The following COL27A1 variants were observed in gnomAD, a reference collection of about 807,000 sequenced individuals.
COL27A1 encodes collagen alpha-1(XXVII) chain.
A neutral mutation model predicts 251.3 loss-of-function variants in COL27A1; 106 were observed. The observed-to-expected ratio is 0.42, with a 90% CI of 0.36 to 0.50. COL27A1 has a LOEUF of 0.50. COL27A1 is among the 20% of genes least tolerant of loss of function. The pLI, the probability that COL27A1 is intolerant of heterozygous loss-of-function variation, is 0.00. For synonymous variants in COL27A1, 1,000 were observed against 986.3 expected (o/e 1.01, Z -0.26); for missense variants, 2,325 against 2,522.8 (o/e 0.92, Z 1.68).
chr9:114,289,146 A>ACCCCCC, intron 44 of COL27A1, 96 bp from the exon 45 acceptor site: 3 of 1,126,984 alleles, frequency 2.7e-6, no homozygotes, highest in Non-Finnish European at 3.8e-6. Context: ...GCACCCCCAA[A>ACCCCCC]CCCCTCCCCA....
At chr9:114,270,398 A>T (rs1362889380) in intron 35 of COL27A1, among the ~76,000 whole-genome samples, 2 of 152,202 alleles carry the variant, frequency 1.3e-5, no homozygotes, top group Admixed American at 6.5e-5. Context: ...CCTAGAGATG[A>T]TGTTCAGGAC....
At chr9:114,237,057 C>A in intron 18 of COL27A1, 23 bp downstream of exon 18, 1 of 1,581,110 alleles carries the variant, frequency 6.3e-7, no homozygotes, top group Non-Finnish European at 8.6e-7. Context: ...TCCTCCAGCA[C>A]CCCCAAACCT....
chr9:114,200,292 C>T (rs1418987373), intron 7 of COL27A1, among the ~76,000 whole-genome samples: 5 of 152,224 alleles, frequency 3.3e-5, no homozygotes, highest in African/African-American at 9.6e-5. Flanking sequence ...AAGTCCTGCT[C>T]CTCCCCCAAG....
chr9:114,205,237 G>A, intron 8 of COL27A1, 91 bp downstream of exon 8: 1 of 1,244,742 alleles, frequency 8.0e-7, no homozygotes, highest in Non-Finnish European at 1.1e-6. Flanking sequence ...CCTGCTCTGT[G>A]AGCCAGCCCC....
At position 114,288,685 on chromosome 9, in the gene COL27A1, T is replaced by C. The variant is rs1437206652; in HGVS notation, c.4045-17T>C. 6 of 1,604,090 alleles carry C rather than the reference T, an allele frequency of 3.7e-6. No homozygotes were observed. The African/African-American group carries it at 5.4e-5, about 14-fold the overall frequency. On this transcript the variant is annotated splice_polypyrimidine_tract_variant and intron_variant, in intron 42 of 60. Transcript: ENST00000356083. ...GCACCTGGTGGCCCAAATTTTGCTGTTGTCTTTGTCATTCAGGGCCCTGTG... is the reference window on the plus strand; with the variant it reads ...GCACCTGGTGGCCCAAATTTTGCTGCTGTCTTTGTCATTCAGGGCCCTGTG...
intron 27 of COL27A1, among the ~76,000 whole-genome samples, chr9:114,255,318 T>TAGAG (rs982719284): frequency 2.0e-5 from 3 of 151,606 alleles, no homozygotes; most frequent in Non-Finnish European, 4.4e-5. Flanking sequence ...TGGTCAGAGA[T>TAGAG]AGAGTGATTG....
intron 53 of COL27A1, 51 bp downstream of exon 53, chr9:114,301,370 G>T (rs1357413018): frequency 6.2e-7 from 1 of 1,612,316 alleles, no homozygotes. Context: ...GGGCGGGGGA[G>T]GGGTGGGCTC....
chr9:114,268,050 C>T (rs1162009196), intron 34 of COL27A1, among the ~76,000 whole-genome samples: 1 of 152,208 alleles, frequency 6.6e-6, no homozygotes. Context: ...CAGTCACCCC[C>T]TTCCATGCCT....
Position 114,169,204 on chromosome 9 carries a change from G to A in COL27A1, c.1649G>A (p.Ser550Asn). The change falls in exon 3 of 61, where the codon AGC (serine) becomes AAC (asparagine). Residue 550 changes from serine to asparagine, a missense_variant. Physicochemically the swap from Ser to Asn is conservative, Grantham distance 46. Transcript: ENST00000356083. ...TCAAAGAAAGCCGGACCCAAGAGCA[G>A]CCCCCGGAAGCCTGTCCCCCTCAGA... ...EASKKAGPKS[S>N]PRKPVPLRPG... The A allele has an allele frequency of 4.3e-6, 7 of 1,614,034 alleles. No individual in the cohort carries two copies. The highest frequency in any genetic ancestry group is 5.9e-6 in the Non-Finnish European group (7 of 1,180,002).
At position 114,310,632 on chromosome 9, in the gene COL27A1, C is replaced by T. The variant is rs1588913039; in HGVS notation, c.5520C>T (p.Asn1840=). ...PQQLPIISVD[N]LPPASSGKQY... ...AGCTGCCCATCATCAGTGTGGACAA[C>T]CTCCCTCCTGCCTCATCAGGGAAGC... Residue 1840 remains asparagine (N), a synonymous_variant, in exon 61 of 61, where the codon AAC becomes AAT. Transcript: ENST00000356083. 2 of 1,614,202 alleles carry T rather than the reference C, an allele frequency of 1.2e-6. No individual in the cohort carries two copies. The highest frequency in any genetic ancestry group is 2.2e-5 in the East Asian group (1 of 44,886).
chr9:114,178,703 T>G (rs537175401), intron 4 of COL27A1, among the ~76,000 whole-genome samples: 6 of 152,222 alleles, frequency 3.9e-5, no homozygotes, highest in Admixed American at 2.6e-4. Context: ...TCCCTCTTCC[T>G]GTTTCTGCAG....
chr9:114,291,504 T>C (rs1359237049), intron 48 of COL27A1, among the ~76,000 whole-genome samples: 1 of 152,074 alleles, frequency 6.6e-6, no homozygotes, highest in African/African-American at 2.4e-5. Flanking sequence ...AATCCCAGCA[T>C]TTTGGAGGCT....
chr9:114,244,488 G>A (rs1832977251), intron 23 of COL27A1, among the ~76,000 whole-genome samples: 1 of 152,220 alleles, frequency 6.6e-6, no homozygotes, highest in African/African-American at 2.4e-5. Flanking sequence ...ACTCCCTTAA[G>A]TTGGAGTTTT....
chr9:114,212,715 C>G (rs761274691), intron 12 of COL27A1, among the ~76,000 whole-genome samples: 1 of 151,738 alleles, frequency 6.6e-6, no homozygotes, highest in Non-Finnish European at 1.5e-5. Context: ...TTTTCTCTTC[C>G]GAGAAATGGG....
rs866843690 is a variant in COL27A1 at position 114,287,670 on chromosome 9, G to A, written c.3988-785G>A. Among the ~76,000 whole-genome samples, 14 of 152,230 alleles carry A rather than the reference G, an allele frequency of 9.2e-5. No homozygotes were observed. In the East Asian group the frequency reaches 2.3e-3, roughly 25 times the overall value. On this transcript the variant is annotated intron_variant, in intron 41 of 60. Coordinates refer to ENST00000356083, the MANE Select transcript of COL27A1 (RefSeq NM_032888.4). ...CTCACCGAGTCCCCTGAACAGCACC[G>A]GGAGGCGCTCCAGTCCCGCTCTGCA...
chr9:114,305,862 C>T (rs1366729779), intron 57 of COL27A1, among the ~76,000 whole-genome samples: 1 of 152,208 alleles, frequency 6.6e-6, no homozygotes, highest in Non-Finnish European at 1.5e-5. Context: ...CATGCGTGCA[C>T]ACACACACGT....
chr9:114,306,484 C>A, intron 57 of COL27A1, 36 bp from the exon 58 acceptor site: 2 of 1,610,270 alleles, frequency 1.2e-6, no homozygotes, highest in Non-Finnish European at 1.7e-6. Flanking sequence ...GGACCAGGAC[C>A]CTAAGGTCCC....
chr9:114,156,408 C>T (rs1848126359), intron 1 of COL27A1, among the ~76,000 whole-genome samples: 1 of 151,736 alleles, frequency 6.6e-6, no homozygotes, highest in Admixed American at 6.6e-5. Flanking sequence ...GTCTGCAGGT[C>T]CCAAGCCTGT....
At chr9:114,272,556 A>C (rs1487439847) in intron 36 of COL27A1, 2 of 152,244 alleles carry the variant, frequency 1.3e-5, no homozygotes. Flanking sequence ...GAATATGCAC[A>C]GCACTTCATA....
Sources: allele counts gnomAD v4.1 joint callset (sites outside exome capture counted in the v4.1 genomes callset), GRCh38; gene constraint gnomAD v4.1.1; transcripts MANE v1.5; gene names NCBI Gene and HGNC (gene_info 2026-07-23, HGNC 2026-07-21).